MAD1L1: variants seen among roughly 807,000 people sequenced by gnomAD.
MAD1L1 encodes mitotic arrest deficient 1 like 1.
Under a neutral mutation model 96.9 loss-of-function variants are expected in MAD1L1, and 95 were observed. The observed-to-expected ratio is 0.98, with a 90% CI of 0.83 to 1.16. The LOEUF is 1.16. Ranked by LOEUF, MAD1L1 falls within the 50% of genes most tolerant of loss-of-function variation. The pLI, the probability that MAD1L1 is intolerant of heterozygous loss-of-function variation, is 0.00. For missense variants in MAD1L1, 1,007 were observed against 954.4 expected, an observed-to-expected ratio of 1.06 and a Z score of -0.73; for synonymous variants, 473 against 396.6, an observed-to-expected ratio of 1.19 and a Z score of -2.29.
At chr7:2,037,979 G>A (rs1021612855) in intron 12 of MAD1L1, among the ~76,000 whole-genome samples, 5 of 152,206 alleles carry the variant, frequency 3.3e-5, no homozygotes, top group African/African-American at 1.2e-4. Context: ...GGCCTCTCGT[G>A]CCAAACAGCT....
intron 9 of MAD1L1, among the ~76,000 whole-genome samples, chr7:2,214,880 C>G (rs1401585089): frequency 6.6e-6 from 1 of 152,204 alleles, no homozygotes; most frequent in East Asian, 1.9e-4. Flanking sequence ...CTGACTCACC[C>G]TCTGTACCAG....
intron 15 of MAD1L1, among the ~76,000 whole-genome samples, chr7:1,967,253 G>C (rs1340455070): frequency 6.6e-6 from 1 of 152,094 alleles, no homozygotes; most frequent in African/African-American, 2.4e-5. Context: ...ATCAGACTGA[G>C]AAATAGTCAG....
Position 1,818,974 on chromosome 7 carries a change from C to T in MAD1L1, c.1999-2746G>A, listed in dbSNP as rs367968611. 3.3e-4 allele frequency among the ~76,000 whole-genome samples: 50 copies of T among 152,192 alleles called. No individual in the cohort carries two copies. In the East Asian group the frequency reaches 8.5e-3, roughly 26 times the overall value. On this transcript the variant is annotated intron_variant, in intron 18 of 18. Transcript: ENST00000265854. The stretch of plus-strand genomic sequence containing the variant: ...AAACACCAGCCCCCGGTGAACAAGT[C>T]GACCTGCTGTGCAGCCCACCTCTGA...
chr7:2,115,051 T>G (rs1787593635), intron 11 of MAD1L1, among the ~76,000 whole-genome samples: 2 of 152,186 alleles, frequency 1.3e-5, no homozygotes, highest in African/African-American at 2.4e-5. Flanking sequence ...CCCGAACAGC[T>G]GGAGGCGCCA....
intron 12 of MAD1L1, among the ~76,000 whole-genome samples, chr7:2,050,546 C>T (rs569071228): frequency 1.3e-5 from 2 of 152,230 alleles, no homozygotes; most frequent in Non-Finnish European, 2.9e-5. Context: ...GGCCTATCAC[C>T]GGCCTGGAGA....
intron 18 of MAD1L1, among the ~76,000 whole-genome samples, chr7:1,888,860 T>C (rs1397173648): frequency 6.6e-6 from 1 of 152,202 alleles, no homozygotes; most frequent in Non-Finnish European, 1.5e-5. Flanking sequence ...GGAGCGTGCA[T>C]GATGCCAGTG....
intron 11 of MAD1L1, among the ~76,000 whole-genome samples, chr7:2,086,092 A>C (rs1204781610): frequency 2.0e-5 from 3 of 152,084 alleles, no homozygotes; most frequent in Admixed American, 2.0e-4. Context: ...GGACGGCAAG[A>C]CCCGTCACCT....
intron 11 of MAD1L1, among the ~76,000 whole-genome samples, chr7:2,111,408 G>A (rs981506934): frequency 6.6e-5 from 10 of 152,260 alleles, no homozygotes; most frequent in Non-Finnish European, 1.3e-4. Context: ...CTCTAGTCAA[G>A]GAGCGTGCCT....
intron 18 of MAD1L1, among the ~76,000 whole-genome samples, chr7:1,881,656 A>C (rs1785687630): frequency 6.6e-6 from 1 of 152,224 alleles, no homozygotes; most frequent in Admixed American, 6.5e-5. Context: ...TATTTAATTG[A>C]GCGTAAAATG....
intron 18 of MAD1L1, among the ~76,000 whole-genome samples, chr7:1,889,354 G>A (rs970894029): frequency 3.9e-5 from 6 of 152,240 alleles, no homozygotes; most frequent in Admixed American, 1.3e-4. Context: ...TGGCGTGGCT[G>A]GTGTGCCCAG....
At chr7:1,948,263 C>G (rs1166360986) in intron 16 of MAD1L1, among the ~76,000 whole-genome samples, 1 of 152,210 alleles carries the variant, frequency 6.6e-6, no homozygotes, top group Non-Finnish European at 1.5e-5. Context: ...CAAAGCCAGC[C>G]TGCGAGTGAG....
intron 12 of MAD1L1, among the ~76,000 whole-genome samples, chr7:2,051,278 C>G (rs1784155685): frequency 6.6e-6 from 1 of 152,196 alleles, no homozygotes; most frequent in Non-Finnish European, 1.5e-5. Flanking sequence ...CTGGGCTCCT[C>G]TCTAAGCCTC....
intron 18 of MAD1L1, among the ~76,000 whole-genome samples, chr7:1,868,308 C>T (rs1397355024): frequency 2.0e-5 from 3 of 152,212 alleles, no homozygotes; most frequent in African/African-American, 7.2e-5. Flanking sequence ...GATTTCAAGT[C>T]ACTGCCTCCC....
intron 11 of MAD1L1, 62 bp from the exon 12 acceptor site, chr7:2,069,400 C>A (rs1237997693): frequency 1.4e-6 from 2 of 1,443,612 alleles, no homozygotes; most frequent in South Asian, 2.9e-5. Flanking sequence ...CACCAAGCCC[C>A]GCCCCACCCC....
intron 17 of MAD1L1, among the ~76,000 whole-genome samples, chr7:1,925,609 C>A (rs1481054986): frequency 3.3e-5 from 5 of 152,232 alleles, no homozygotes; most frequent in Non-Finnish European, 4.4e-5. Flanking sequence ...GACCTCAACG[C>A]CTCCCAGGAG....
Position 2,149,181 on chromosome 7 carries a change from C to T in MAD1L1, c.1044G>A (p.Leu348=). The stretch of plus-strand genomic sequence containing the variant: ...TGGTGACGGCGCTGTTCTTGTCCTT[C>T]AAGGCAAGCTCCCTCTGCTGCAGCT... The part of the protein sequence containing the change: ...VVELQQRELA[L]KDKNSAVTSS... The change falls in exon 11 of 19, where the codon TTG becomes TTA. Residue 348 remains leucine (L), a synonymous_variant. Coordinates refer to ENST00000265854, the MANE Select transcript of MAD1L1 (RefSeq NM_001013836.2). 6.2e-7 allele frequency: 1 copy of T among 1,614,132 alleles called. No individual in the cohort carries two copies. The highest frequency in any genetic ancestry group is 1.3e-5 in the African/African-American group (1 of 75,056).
chr7:1,899,644 G>A (rs1787118035), intron 17 of MAD1L1, among the ~76,000 whole-genome samples: 1 of 152,178 alleles, frequency 6.6e-6, no homozygotes, highest in Non-Finnish European at 1.5e-5. Flanking sequence ...TTAGAGATGA[G>A]TCTGAAGGCC....
chr7:1,887,855 G>GCATGCGTGGTTGCAGCTGCC, intron 18 of MAD1L1, among the ~76,000 whole-genome samples: 1 of 26,966 alleles, frequency 3.7e-5, no homozygotes, highest in Admixed American at 5.2e-4. Flanking sequence ...GTGCGTGTGT[G>GCATGCGTGGTTGCAGCTGCC]TGTGCACGTG....
intron 18 of MAD1L1, among the ~76,000 whole-genome samples, chr7:1,876,840 G>A (rs970570485): frequency 6.8e-6 from 1 of 147,280 alleles, no homozygotes; most frequent in African/African-American, 2.5e-5. Context: ...TCTGCTCAAG[G>A]CCACACGCAC....
Sources: gnomAD v4.1 joint callset for allele counts (sites outside exome capture counted in the v4.1 genomes callset) on GRCh38, gnomAD v4.1.1 for gene constraint, MANE v1.5 for transcripts, NCBI Gene and HGNC (gene_info 2026-07-23, HGNC 2026-07-21) for gene names.